BBOF1: variants seen among roughly 807,000 people sequenced by gnomAD.
BBOF1 encodes basal body orientation factor 1.
BBOF1 carries 62 observed loss-of-function variants against 68.0 expected under a neutral mutation model. The observed-to-expected ratio is 0.91, with a 90% CI of 0.74 to 1.13. The LOEUF is 1.13. Among genes scored for constraint, BBOF1 ranks in the 50% most tolerant of loss-of-function variants. The probability of loss-of-function intolerance (pLI) is 0.00; values close to 1 mark genes in which losing one functional copy is unlikely to be tolerated. For synonymous variants in BBOF1, 208 were observed against 198.8 expected (o/e 1.05, Z -0.39); for missense variants, 534 against 600.1 (o/e 0.89, Z 1.15).
intron 3 of BBOF1, among the ~76,000 whole-genome samples, chr14:74,033,238 A>G (rs1456416761): frequency 6.6e-6 from 1 of 152,104 alleles, no homozygotes; most frequent in Non-Finnish European, 1.5e-5. Context: ...TTCAATGCAG[A>G]TGGTATCTTT....
At chr14:74,023,553 C>T (rs144494872) in intron 2 of BBOF1, among the ~76,000 whole-genome samples, 2,309 of 152,130 alleles carry the variant, frequency 0.015, 61 homozygotes, top group African/African-American at 0.051. Context: ...TTATTTTTGG[C>T]CAGTTGAATC....
At chr14:74,079,197 C>T (rs937713023) in intron 10 of BBOF1, among the ~76,000 whole-genome samples, 2 of 151,658 alleles carry the variant, frequency 1.3e-5, no homozygotes, top group African/African-American at 4.9e-5. Flanking sequence ...AAAAAGGTGG[C>T]TGGGCACAGT....
At chr14:74,053,012 C>T (rs1028743035) in intron 8 of BBOF1, among the ~76,000 whole-genome samples, 2 of 151,900 alleles carry the variant, frequency 1.3e-5, no homozygotes, top group Admixed American at 6.6e-5. Context: ...AGCCTGGCAA[C>T]ACAGTGAGAC....
intron 11 of BBOF1, 195 bp downstream of exon 11, chr14:74,057,453 AT>A: frequency 1.4e-6 from 2 of 1,463,934 alleles, no homozygotes; most frequent in South Asian, 2.8e-5. Flanking sequence ...ACTAATGCAA[AT>A]GCAAATGTGT....
intron 11 of BBOF1, 182 bp downstream of exon 11, chr14:74,057,440 TATACTA>T (rs1194531702): frequency 1.5e-5 from 22 of 1,486,864 alleles, no homozygotes; most frequent in Non-Finnish European, 1.7e-5. Flanking sequence ...AAATGCATAT[TATACTA>T]ATGCAAATGC....
intron 5 of BBOF1, among the ~76,000 whole-genome samples, chr14:74,041,933 A>C (rs1383519480): frequency 6.6e-6 from 1 of 152,108 alleles, no homozygotes. Flanking sequence ...GCTACTCAGG[A>C]GGCTGAGACG....
intron 4 of BBOF1, among the ~76,000 whole-genome samples, chr14:74,035,413 CTTTTTTTTTTTT>C (rs35957144): frequency 3.1e-5 from 3 of 97,352 alleles, no homozygotes; most frequent in Admixed American, 2.4e-4. Flanking sequence ...CATATGGGCC[CTTTTTTTTTTTT>C]TTTTTTTTTG....
At chr14:74,073,055 C>T (rs1459922968) in intron 9 of BBOF1, among the ~76,000 whole-genome samples, 1 of 152,216 alleles carries the variant, frequency 6.6e-6, no homozygotes, top group Admixed American at 6.5e-5. Flanking sequence ...CCACCTCGGC[C>T]TCCCAAAGTG....
intron 9 of BBOF1, chr14:74,071,526 C>A: frequency 2.5e-6 from 4 of 1,613,046 alleles, no homozygotes. Context: ...GCCATCAGCT[C>A]TCCACACTGT....
rs187800951 is a variant in BBOF1, at chr14:74,060,660, C to T, written c.1578+3402C>T. ...CTTGTTTCTAACGGCCCATGGTAGG[C>T]ATGACAACAGCAGGTGAGGAAAGAG... On this transcript the variant is annotated intron_variant, in intron 11 of 11. Transcript: ENST00000394009. 6 of 1,612,256 alleles carry T rather than the reference C, an allele frequency of 3.7e-6. No individual in the cohort carries two copies. In the African/African-American group the frequency reaches 8.0e-5, roughly 21 times the overall value.
At chr14:74,031,485 A>T (rs1252487686) in intron 3 of BBOF1, among the ~76,000 whole-genome samples, 1 of 152,164 alleles carries the variant, frequency 6.6e-6, no homozygotes. Flanking sequence ...TCCCTGTCTT[A>T]GTTCAGGCTA....
intron 11 of BBOF1, among the ~76,000 whole-genome samples, chr14:74,062,423 G>A (rs1401552987): frequency 5.3e-5 from 8 of 152,054 alleles, no homozygotes; most frequent in East Asian, 1.9e-4. Flanking sequence ...CCAACATGGC[G>A]AAACCCCGTC....
intron 4 of BBOF1, 95 bp downstream of exon 4, chr14:74,034,266 A>G: frequency 1.3e-6 from 1 of 777,468 alleles, no homozygotes; most frequent in South Asian, 3.3e-5. Flanking sequence ...TGAGACGGCA[A>G]AGAACTCTCT....
chr14:74,034,257 G>A, intron 4 of BBOF1, 86 bp downstream of exon 4: 7 of 865,848 alleles, frequency 8.1e-6, no homozygotes, highest in Non-Finnish European at 1.1e-5. Context: ...TTACTCCTGT[G>A]AGACGGCAAA....
intron 11 of BBOF1, chr14:74,058,733 C>G (rs2060274640): frequency 6.6e-6 from 1 of 152,122 alleles, no homozygotes; most frequent in South Asian, 2.1e-4. Flanking sequence ...AGAATCCATT[C>G]TGTTCAGCAC....
At chr14:74,040,515 A>AC in intron 4 of BBOF1, 50 bp from the exon 5 acceptor site, 2 of 1,124,374 alleles carry the variant, frequency 1.8e-6, no homozygotes, top group Non-Finnish European at 2.6e-6. Context: ...GTGCTCAATG[A>AC]CCCCCATTTT....
chr14:74,041,434 G>A (rs1330361018), intron 5 of BBOF1, among the ~76,000 whole-genome samples: 2 of 152,194 alleles, frequency 1.3e-5, no homozygotes, highest in African/African-American at 4.8e-5. Flanking sequence ...AGGCCTCATG[G>A]TTGTTCTTTA....
chr14:74,039,252 C>T (rs2059779097), intron 4 of BBOF1, among the ~76,000 whole-genome samples: 1 of 151,984 alleles, frequency 6.6e-6, no homozygotes, highest in Non-Finnish European at 1.5e-5. Flanking sequence ...TTTTTCAATG[C>T]CATTAAATAT....
intron 2 of BBOF1, among the ~76,000 whole-genome samples, chr14:74,028,267 G>A (rs765529822): frequency 3.3e-5 from 5 of 152,100 alleles, no homozygotes; most frequent in Non-Finnish European, 7.4e-5. Flanking sequence ...TACTTGGGAG[G>A]CAGAGGCAGG....
Sources: gnomAD v4.1 joint callset for allele counts (sites outside exome capture counted in the v4.1 genomes callset) on GRCh38, gnomAD v4.1.1 for gene constraint, MANE v1.5 for transcripts, NCBI Gene and HGNC (gene_info 2026-07-23, HGNC 2026-07-21) for gene names.